Variants in ADAP1 observed in about 807,000 individuals in gnomAD.
The protein encoded by ADAP1 is ArfGAP with dual PH domains 1.
A neutral mutation model predicts 54.9 loss-of-function variants in ADAP1; 31 were observed. That is an observed-to-expected ratio of 0.56 (90% CI 0.42 to 0.76). The LOEUF is 0.76. Among genes scored for constraint, ADAP1 ranks in the 30% least tolerant of loss-of-function variants. The pLI, the probability that ADAP1 is intolerant of heterozygous loss-of-function variation, is 0.00. For synonymous variants in ADAP1, 313 were observed against 202.6 expected, an observed-to-expected ratio of 1.55 and a Z score of -4.63; for missense variants, 535 against 512.4, an observed-to-expected ratio of 1.04 and a Z score of -0.42.
At chr7:912,421 A>G (rs891232507) in intron 4 of ADAP1, among the ~76,000 whole-genome samples, 2 of 152,082 alleles carry the variant, frequency 1.3e-5, no homozygotes, top group Admixed American at 6.5e-5. Context: ...CACAAGGATA[A>G]ACCCCCACAT....
intron 3 of ADAP1, among the ~76,000 whole-genome samples, chr7:924,896 C>G (rs1207937949): frequency 3.3e-5 from 5 of 152,248 alleles, no homozygotes; most frequent in Middle Eastern, 6.8e-3. Flanking sequence ...ATACCGAGAG[C>G]CCGGGGCACG....
At chr7:913,886 G>A (rs1845826481) in intron 4 of ADAP1, among the ~76,000 whole-genome samples, 1 of 152,220 alleles carries the variant, frequency 6.6e-6, no homozygotes, top group South Asian at 2.1e-4. Flanking sequence ...GGTGAGCTGA[G>A]ACCGCACCAT....
At chr7:933,116 C>T (rs191204023) in intron 2 of ADAP1, among the ~76,000 whole-genome samples, 9 of 151,870 alleles carry the variant, frequency 5.9e-5, no homozygotes, top group Non-Finnish European at 8.8e-5. Flanking sequence ...ACTAAAAATA[C>T]GAAAATTAGC....
At chr7:899,986 C>A in intron 8 of ADAP1, 116 bp downstream of exon 8, 2 of 1,254,930 alleles carry the variant, frequency 1.6e-6, no homozygotes, top group Non-Finnish European at 2.3e-6. Context: ...GCTGTGAGGA[C>A]CCACCAGACA....
At chr7:939,365 G>A (rs1055049097) in intron 1 of ADAP1, among the ~76,000 whole-genome samples, 5 of 152,030 alleles carry the variant, frequency 3.3e-5, no homozygotes, top group Middle Eastern at 6.8e-3. Context: ...GATTACAGGC[G>A]TGCACCACCA....
At chr7:903,460 C>T (rs1336347041) in intron 6 of ADAP1, among the ~76,000 whole-genome samples, 1 of 152,172 alleles carries the variant, frequency 6.6e-6, no homozygotes, top group African/African-American at 2.4e-5. Context: ...ACTTCTGTTT[C>T]TCAAGATTTA....
chr7:905,279 C>CACGGACAGGGGACACGGACAGGGGGAG, intron 4 of ADAP1, 107 bp from the exon 5 acceptor site: 1 of 342,270 alleles, frequency 2.9e-6, no homozygotes, highest in East Asian at 6.8e-5. Context: ...ACACGGGGGA[C>CACGGACAGGGGACACGGACAGGGGGAG]ACGGACGGGG....
intron 1 of ADAP1, among the ~76,000 whole-genome samples, chr7:954,152 G>C (rs1041638402): frequency 7.9e-5 from 12 of 151,890 alleles, no homozygotes; most frequent in African/African-American, 2.9e-4. Context: ...GGCGGCAGGG[G>C]GGTTTCCGGG....
At chr7:905,546 AGAAG>A in intron 4 of ADAP1, 1 of 22,488 alleles carries the variant, frequency 4.4e-5, no homozygotes, top group Non-Finnish European at 8.0e-5. Flanking sequence ...GGGAGAAGGG[AGAAG>A]GGAGAAAGGA....
chr7:911,938 C>A (rs527729789), intron 4 of ADAP1, among the ~76,000 whole-genome samples: 22 of 152,276 alleles, frequency 1.4e-4, no homozygotes, highest in Admixed American at 3.3e-4. Flanking sequence ...TGGCCTGGCC[C>A]CAAACACCCG....
At chr7:900,217 C>A in intron 7 of ADAP1, 53 bp from the exon 8 acceptor site, 1 of 1,605,558 alleles carries the variant, frequency 6.2e-7, no homozygotes, top group African/African-American at 1.3e-5. Context: ...TCAGGCCGAG[C>A]CCCTCCCTGG....
Position 945,207 on chromosome 7 carries a change from G to A in ADAP1, c.82+9189C>T, listed in dbSNP as rs1158557159. Among the ~76,000 whole-genome samples the A allele has an allele frequency of 6.6e-6, 1 of 152,190 alleles. No individual in the cohort carries two copies. The highest frequency in any genetic ancestry group is 1.5e-5 in the Non-Finnish European group (1 of 68,026). ...TGGGCTGGGCAGGCCTCCTTCTCAG[G>A]CTGCTGGGCATGGCCAGGCCTGCCT... On this transcript the variant is annotated intron_variant, in intron 1 of 10. Coordinates refer to ENST00000265846, the MANE Select transcript of ADAP1 (RefSeq NM_006869.4). The surrounding 1 kb of genome is among the most constrained non-coding windows in gnomAD (Gnocchi z 4.2).
intron 1 of ADAP1, among the ~76,000 whole-genome samples, chr7:940,691 C>T (rs1449895332): frequency 2.0e-5 from 3 of 152,114 alleles, no homozygotes; most frequent in African/African-American, 4.8e-5. Context: ...CCACCCTACT[C>T]CTAGGAATTT....
intron 4 of ADAP1, among the ~76,000 whole-genome samples, chr7:907,478 G>C (rs1269233112): frequency 6.6e-6 from 1 of 152,148 alleles, no homozygotes; most frequent in Non-Finnish European, 1.5e-5. Context: ...CTGGAGCTCT[G>C]CCAGAGCTGT....
At position 946,579 on chromosome 7, in the gene ADAP1, C is replaced by T. The variant is rs1847146279; in HGVS notation, c.82+7817G>A. Among the ~76,000 whole-genome samples the T allele has an allele frequency of 1.3e-5, 2 of 151,896 alleles. No homozygotes were observed. The highest frequency in any genetic ancestry group is 4.2e-4 in the South Asian group (2 of 4,812). ...TGCCCCTGCCCTCCCACCCTCTCTCCCTCCTGGTGCTCCAGCCCCATGGCG... is the reference window on the plus strand; with the variant it reads ...TGCCCCTGCCCTCCCACCCTCTCTCTCTCCTGGTGCTCCAGCCCCATGGCG... On this transcript the variant is annotated intron_variant, in intron 1 of 10. Transcript: ENST00000265846. The surrounding 1 kb of genome is among the most constrained non-coding windows in gnomAD (Gnocchi z 4.3).
chr7:909,753 C>T (rs561897612), intron 4 of ADAP1, among the ~76,000 whole-genome samples: 1 of 152,314 alleles, frequency 6.6e-6, no homozygotes, highest in Admixed American at 6.5e-5. Context: ...TTAAAGGACT[C>T]GTGAGTCCTG....
Position 951,721 on chromosome 7 carries a change from C to T in ADAP1, c.82+2675G>A, listed in dbSNP as rs564486486. On this transcript the variant is annotated intron_variant, in intron 1 of 10. Transcript: ENST00000265846. ...CTGCACTCCAGCCTGGGTGACAGAG[C>T]GAGACCTTAAAATAAAAAAGAACAA... 1.7e-3 allele frequency among the ~76,000 whole-genome samples: 255 copies of T among 152,278 alleles called. 3 individuals carry two copies. Among genetic ancestry groups the T allele is most frequent in the African/African-American group, 5.8e-3 (241 of 41,558 alleles).
At chr7:924,088 C>T (rs1233126140) in intron 3 of ADAP1, among the ~76,000 whole-genome samples, 2 of 74,066 alleles carry the variant, frequency 2.7e-5, no homozygotes, top group Admixed American at 2.4e-4. Context: ...CCACGCTGCA[C>T]CCCCCGCCCT....
intron 5 of ADAP1, 31 bp downstream of exon 5, chr7:905,029 G>A: frequency 6.3e-6 from 10 of 1,593,400 alleles, no homozygotes; most frequent in South Asian, 2.2e-5. Context: ...CCCTGGGACA[G>A]GCCCCCACCC....
Sources: gnomAD v4.1 joint callset for allele counts (sites outside exome capture counted in the v4.1 genomes callset) on GRCh38, gnomAD v4.1.1 for gene constraint, Gnocchi (gnomAD v3.1) non-coding constraint, MANE v1.5 for transcripts, NCBI Gene and HGNC (gene_info 2026-07-23, HGNC 2026-07-21) for gene names.